ARL5A: variants seen among roughly 807,000 people sequenced by gnomAD.
The protein encoded by ARL5A is ADP-ribosylation factor-like protein 5A.
A neutral mutation model predicts 25.9 loss-of-function variants in ARL5A; 18 were observed. The observed-to-expected ratio is 0.69, with a 90% confidence interval of 0.48 to 1.03. ARL5A has a LOEUF of 1.03. Among genes scored for constraint, ARL5A ranks in the 50% least tolerant of loss-of-function variants. ARL5A has a pLI of 0.00. For synonymous variants in ARL5A, 61 were observed against 67.5 expected, an observed-to-expected ratio of 0.90 and a Z score of 0.47; for missense variants, 170 against 211.9, an observed-to-expected ratio of 0.80 and a Z score of 1.23.
chr2:151,816,179 G>A (rs1242984996), intron 1 of ARL5A, among the ~76,000 whole-genome samples: 1 of 152,172 alleles, frequency 6.6e-6, no homozygotes, highest in Admixed American at 6.5e-5. Flanking sequence ...ATACTATACA[G>A]CAAGCCCAAG....
chr2:151,808,095 T>C lies in ARL5A; in HGVS notation c.340-1123A>G, dbSNP rs2099830319. Among the ~76,000 whole-genome samples, 3 of 152,206 alleles carry C rather than the reference T, an allele frequency of 2.0e-5. No homozygotes were observed. In the South Asian group the frequency reaches 6.2e-4, roughly 31 times the overall value. On this transcript the variant is annotated intron_variant, in intron 4 of 5. Coordinates refer to ENST00000295087, the MANE Select transcript of ARL5A (RefSeq NM_012097.4). ...TACACAAAATTTTTTTAAGTTTATG[T>C]ACAATTTGAGGGTGTTAATAAATAG...
intron 1 of ARL5A, among the ~76,000 whole-genome samples, chr2:151,819,231 C>T (rs1488132615): frequency 2.0e-5 from 3 of 152,214 alleles, no homozygotes. Flanking sequence ...GGGCCGTAAT[C>T]AGCTAAGGAG....
intron 4 of ARL5A, chr2:151,810,486 T>C (rs1325628069): frequency 2.6e-6 from 1 of 386,380 alleles, no homozygotes; most frequent in East Asian, 8.8e-5. Flanking sequence ...CTGTAATTCC[T>C]TTCTTCTCTG....
chr2:151,804,391 T>C (rs974752105), intron 5 of ARL5A, among the ~76,000 whole-genome samples: 2 of 152,222 alleles, frequency 1.3e-5, no homozygotes, highest in East Asian at 1.9e-4. Context: ...CTATTATCTA[T>C]GACAAGCTTT....
rs763878541 is a variant in ARL5A at position 151,828,105 on chromosome 2, G to A, written c.46+26C>T. ...CCCGAGCTGACCCTCTCCCCAACCC[G>A]TACGCCCGCGGACCGAGCTCCTCAC... is the stretch of plus-strand genomic sequence containing the variant. On this transcript the variant is annotated intron_variant, in intron 1 of 5. Transcript: ENST00000295087. 5 of 1,604,958 alleles carry A rather than the reference G, an allele frequency of 3.1e-6. No individual in the cohort carries two copies. The South Asian group carries it at 5.5e-5, about 18-fold the overall frequency.
rs2099829108 is a variant in ARL5A at position 151,799,303 on chromosome 2, T to C, written c.*3973A>G. Reference sequence around the variant, plus strand: ...TTATTTTTTAAGGATAGGCTTTTCATTACTAACTCCTTTAGACATCTAATG... The same window carrying C: ...TTATTTTTTAAGGATAGGCTTTTCACTACTAACTCCTTTAGACATCTAATG... On this transcript the variant is annotated 3_prime_UTR_variant, in exon 6 of 6. Coordinates refer to ENST00000295087, the MANE Select transcript of ARL5A (RefSeq NM_012097.4). The C allele has an allele frequency of 6.6e-6, 1 of 152,204 alleles. No homozygotes were observed. Among genetic ancestry groups the C allele is most frequent in the African/African-American group, 2.4e-5 (1 of 41,442 alleles). The allele number at this position is 152,204 out of a possible 1,614,324, so 9.4% of individuals were successfully genotyped here.
intron 1 of ARL5A, among the ~76,000 whole-genome samples, chr2:151,818,124 C>A (rs115080499): frequency 5.1e-4 from 78 of 152,230 alleles, no homozygotes; most frequent in African/African-American, 1.8e-3. Context: ...AAATGAGTAA[C>A]ATACAATAAG....
chr2:151,812,902 A>C (rs2099831036), intron 3 of ARL5A, among the ~76,000 whole-genome samples: 1 of 152,192 alleles, frequency 6.6e-6, no homozygotes, highest in Admixed American at 6.5e-5. Context: ...CAACCAACTG[A>C]AAGAATAAAT....
intron 1 of ARL5A, among the ~76,000 whole-genome samples, chr2:151,820,684 A>AAC (rs2099832184): frequency 6.6e-6 from 1 of 150,964 alleles, no homozygotes; most frequent in Non-Finnish European, 1.5e-5. Context: ...AAAAAAAAAA[A>AAC]ACAGAATCCA....
chr2:151,822,989 A>G (rs1235932487), intron 1 of ARL5A, among the ~76,000 whole-genome samples: 1 of 152,252 alleles, frequency 6.6e-6, no homozygotes, highest in Non-Finnish European at 1.5e-5. Flanking sequence ...AAGCATAATA[A>G]TAATTGTTAT....
chr2:151,798,820 T>C lies in ARL5A; in HGVS notation c.*4456A>G, dbSNP rs891289499. 1.3e-5 allele frequency: 2 copies of C among 151,462 alleles called. No individual in the cohort carries two copies. Among genetic ancestry groups the C allele is most frequent in the Non-Finnish European group, 2.9e-5 (2 of 67,884 alleles). The allele number at this position is 151,462 out of a possible 1,614,324, so 9.4% of individuals were successfully genotyped here. On this transcript the variant is annotated 3_prime_UTR_variant, in exon 6 of 6. Coordinates refer to ENST00000295087, the MANE Select transcript of ARL5A (RefSeq NM_012097.4). ...GATACCATAGAAAATACATATAATT[T>C]ATTAGATGGGCTTAAAATCAACACA...
intron 1 of ARL5A, among the ~76,000 whole-genome samples, chr2:151,819,577 G>T (rs1282090317): frequency 6.6e-6 from 1 of 152,036 alleles, no homozygotes; most frequent in African/African-American, 2.4e-5. Flanking sequence ...AAACTATATA[G>T]CCTCCTAAAA....
chr2:151,828,195 C>CG lies in ARL5A; in HGVS notation c.-20_-19insC, dbSNP rs766821652. 40 of 1,605,324 alleles carry CG rather than the reference C, an allele frequency of 2.5e-5. 1 individual carries two copies. Among genetic ancestry groups the CG allele is most frequent in the Admixed American group, 5.1e-5 (3 of 59,148 alleles). On this transcript the variant is annotated 5_prime_UTR_variant, in exon 1 of 6. Transcript: ENST00000295087. ...TTCCCATTCTCGGGCAGCGGACCCC[C>CG]CCCCTCCAGACACCCGGGCCGCCTG...
chr2:151,809,448 A>T (rs2099830529), intron 4 of ARL5A, among the ~76,000 whole-genome samples: 1 of 152,208 alleles, frequency 6.6e-6, no homozygotes, highest in South Asian at 2.1e-4. Flanking sequence ...GACTTCTAAG[A>T]AGTTATTTTA....
chr2:151,818,635 G>A (rs1402823347), intron 1 of ARL5A, among the ~76,000 whole-genome samples: 1 of 152,144 alleles, frequency 6.6e-6, no homozygotes, highest in Non-Finnish European at 1.5e-5. Context: ...CGAGTCCTTG[G>A]GACAAGGTAC....
intron 4 of ARL5A, among the ~76,000 whole-genome samples, chr2:151,809,286 T>C (rs1488420953): frequency 1.3e-5 from 2 of 152,208 alleles, no homozygotes; most frequent in African/African-American, 4.8e-5. Flanking sequence ...ATAAGTAATC[T>C]GTATTCACTC....
intron 1 of ARL5A, 162 bp downstream of exon 1, chr2:151,827,969 C>T: frequency 1.5e-6 from 1 of 665,932 alleles, no homozygotes; most frequent in Non-Finnish European, 2.6e-6. Context: ...GCTCGGGAGC[C>T]GGGACCGAAC....
chr2:151,806,719 G>T, intron 5 of ARL5A, 102 bp downstream of exon 5: 1 of 1,237,536 alleles, frequency 8.1e-7, no homozygotes, highest in Non-Finnish European at 1.1e-6. Flanking sequence ...CCCTTACGAT[G>T]TTTTATACAC....
intron 1 of ARL5A, among the ~76,000 whole-genome samples, chr2:151,816,013 G>A (rs1321021942): frequency 2.6e-5 from 4 of 152,104 alleles, no homozygotes; most frequent in African/African-American, 7.2e-5. Flanking sequence ...ATGCCCTTAC[G>A]TAGCCGCCTC....
Sources: allele counts gnomAD v4.1 joint callset (sites outside exome capture counted in the v4.1 genomes callset), GRCh38; gene constraint gnomAD v4.1.1; transcripts MANE v1.5; gene names NCBI Gene and HGNC (gene_info 2026-07-23, HGNC 2026-07-21).